Variants in ZFYVE21 observed in about 807,000 individuals in gnomAD.
ZFYVE21 encodes zinc finger FYVE-type containing 21, also known as zinc finger FYVE domain-containing protein 21.
Under a neutral mutation model 29.5 loss-of-function variants are expected in ZFYVE21, and 21 were observed. The observed-to-expected ratio is 0.71, with a 90% confidence interval of 0.50 to 1.02. The LOEUF is 1.02. Ranked by LOEUF, ZFYVE21 falls within the 50% of genes least tolerant of loss-of-function variation. ZFYVE21 has a pLI of 0.00. For missense variants in ZFYVE21, 326 were observed against 335.4 expected (o/e 0.97, Z 0.22); for synonymous variants, 151 against 133.8 (o/e 1.13, Z -0.89).
intron 5 of ZFYVE21, 150 bp from the exon 6 acceptor site, chr14:103,732,470 C>T: frequency 2.2e-6 from 2 of 917,318 alleles, no homozygotes; most frequent in Non-Finnish European, 3.1e-6. Context: ...AGATGGTGTT[C>T]CCTGGGTGCT....
chr14:103,721,656 T>C (rs2083873728), intron 1 of ZFYVE21, among the ~76,000 whole-genome samples: 1 of 152,238 alleles, frequency 6.6e-6, no homozygotes, highest in Admixed American at 6.5e-5. Context: ...TGGGTGTTAT[T>C]AGGGGCACTG....
rs150670962 is a variant in ZFYVE21 at position 103,733,143 on chromosome 14, A to C, written c.*125A>C. 2.4e-6 allele frequency: 3 copies of C among 1,275,820 alleles called. No individual in the cohort carries two copies. Among genetic ancestry groups the C allele is most frequent in the Non-Finnish European group, 3.4e-6 (3 of 895,522 alleles). 79.0% of individuals were successfully genotyped at this position (1,275,820 alleles called of 1,614,324 possible). A position where few individuals can be genotyped will look rare whatever the true frequency, so the allele number is the denominator to read the frequency against. On this transcript the variant is annotated 3_prime_UTR_variant, in exon 7 of 7. Coordinates refer to ENST00000311141, the MANE Select transcript of ZFYVE21 (RefSeq NM_024071.4). The stretch of plus-strand genomic sequence containing the variant: ...TTGTGCTGGGAAATGCAACTCACTC[A>C]TGTATTTGGAGAAACAGGAGTGTTC...
chr14:103,729,642 ACTAAACT>A, intron 5 of ZFYVE21: 1 of 1,005,972 alleles, frequency 9.9e-7, no homozygotes, highest in South Asian at 1.6e-5. Context: ...GGGCCTCTCC[ACTAAACT>A]CTGCTGACGG....
chr14:103,721,524 C>T (rs780608325), intron 1 of ZFYVE21, among the ~76,000 whole-genome samples: 6 of 152,240 alleles, frequency 3.9e-5, no homozygotes, highest in Admixed American at 6.5e-5. Context: ...CTCTGTGACG[C>T]CACTGCACAG....
intron 1 of ZFYVE21, among the ~76,000 whole-genome samples, chr14:103,721,660 G>A (rs1262945748): frequency 6.6e-6 from 1 of 152,196 alleles, no homozygotes; most frequent in Non-Finnish European, 1.5e-5. Flanking sequence ...TGTTATTAGG[G>A]GCACTGCCCA....
chr14:103,732,505 G>A (rs1476415434), intron 5 of ZFYVE21, 115 bp from the exon 6 acceptor site: 1 of 1,312,668 alleles, frequency 7.6e-7, no homozygotes, highest in African/African-American at 1.5e-5. Context: ...CTCACTGCCA[G>A]GCTACTCTTG....
In ZFYVE21 at chr14:103,728,971, C is replaced by T; in HGVS notation, c.422C>T (p.Ser141Phe). 6.2e-7 allele frequency: 1 copy of T among 1,614,014 alleles called. No homozygotes were observed. The highest frequency in any genetic ancestry group is 8.5e-7 in the Non-Finnish European group (1 of 1,180,020). Residue 141 changes from serine to phenylalanine, a missense_variant, in exon 4 of 7, where the codon TCC (serine) becomes TTC (phenylalanine). Ser to Phe is a radical substitution (Grantham distance 155). Coordinates refer to ENST00000311141, the MANE Select transcript of ZFYVE21 (RefSeq NM_024071.4). Reference sequence around the variant, plus strand: ...CCTGAAACTATGACTTGTCGTCTTTCCAATAACCAGAGGTAAGAGCCGGAT... The same window carrying T: ...CCTGAAACTATGACTTGTCGTCTTTTCAATAACCAGAGGTAAGAGCCGGAT... ...EKPETMTCRL[S>F]NNQRYLFLDG... is the part of the protein sequence containing the mutation.
intron 2 of ZFYVE21, 101 bp from the exon 3 acceptor site, chr14:103,727,645 C>A (rs543471608): frequency 6.7e-7 from 1 of 1,493,588 alleles, no homozygotes; most frequent in Non-Finnish European, 9.1e-7. Context: ...AGGGGCCTCG[C>A]GTTTAGGCGT....
intron 5 of ZFYVE21, 53 bp from the exon 6 acceptor site, chr14:103,732,567 C>T: frequency 1.3e-6 from 2 of 1,510,408 alleles, no homozygotes; most frequent in South Asian, 2.7e-5. Flanking sequence ...CTGGTGGCCG[C>T]CTGGGCACTC....
chr14:103,720,627 C>G (rs575696847), intron 1 of ZFYVE21, among the ~76,000 whole-genome samples: 1 of 152,130 alleles, frequency 6.6e-6, no homozygotes, highest in East Asian at 1.9e-4. Context: ...TATATGGAGG[C>G]GCTTTTGGTT....
chr14:103,728,353 G>T (rs543517326), intron 3 of ZFYVE21, among the ~76,000 whole-genome samples: 26 of 152,300 alleles, frequency 1.7e-4, no homozygotes, highest in African/African-American at 6.0e-4. Context: ...CATAGGGTGT[G>T]CCTCCCTGGA....
chr14:103,719,931 G>A (rs11848956), intron 1 of ZFYVE21, among the ~76,000 whole-genome samples: 3 of 152,142 alleles, frequency 2.0e-5, no homozygotes, highest in Non-Finnish European at 2.9e-5. Context: ...ATTCCTGGGC[G>A]TCCTGTGGGA....
At position 103,716,584 on chromosome 14, in the gene ZFYVE21, C is replaced by T. The variant is rs1224971776; in HGVS notation, c.138+605C>T. On this transcript the variant is annotated intron_variant, in intron 1 of 6. Transcript: ENST00000311141. The surrounding 1 kb of genome is among the most constrained non-coding windows in gnomAD (Gnocchi z 4.8). ...GCCCCCCGTTTCCCTTCGTCTATAC[C>T]ACCCTCCACCTCGGAAGCGAGGTCG... Among the ~76,000 whole-genome samples, 2 of 152,238 alleles carry T rather than the reference C, an allele frequency of 1.3e-5. No homozygotes were observed. The highest frequency in any genetic ancestry group is 2.9e-5 in the Non-Finnish European group (2 of 68,028).
Position 103,727,755 on chromosome 14 carries a change from C to G in ZFYVE21, c.199C>G (p.Arg67Gly), listed in dbSNP as rs761630128. 1.2e-6 allele frequency: 2 copies of G among 1,607,814 alleles called. No individual in the cohort carries two copies. Among genetic ancestry groups the G allele is most frequent in the Non-Finnish European group, 1.7e-6 (2 of 1,179,608 alleles). The change falls in exon 3 of 7, where the codon CGC becomes GGC. Residue 67 changes from arginine to glycine, a missense_variant. Coordinates refer to ENST00000311141, the MANE Select transcript of ZFYVE21 (RefSeq NM_024071.4). ...TCCCGCATCTGCCCAGCACCACTGT[C>G]GCCGCTGCGGGAAGTGCTTCTGCGA... ...FDFLTRKHHC[R>G]RCGKCFCDRC...
At chr14:103,729,428 A>G in intron 5 of ZFYVE21, 1 of 575,790 alleles carries the variant, frequency 1.7e-6, no homozygotes, top group South Asian at 2.1e-5. Flanking sequence ...TGTCATAATG[A>G]TTTCCTCTGC....
At chr14:103,728,227 T>G in intron 3 of ZFYVE21, 3 of 305,072 alleles carry the variant, frequency 9.8e-6, no homozygotes, top group African/African-American at 2.2e-5. Flanking sequence ...GCTCGGGCGT[T>G]TGCAACCACT....
chr14:103,730,688 G>C (rs969145301), intron 5 of ZFYVE21: 2 of 152,694 alleles, frequency 1.3e-5, no homozygotes, highest in African/African-American at 4.8e-5. Context: ...GGGACAATAG[G>C]AACAGTCCCC....
chr14:103,731,305 A>G (rs2083971572), intron 5 of ZFYVE21: 1 of 148,900 alleles, frequency 6.7e-6, no homozygotes, highest in African/African-American at 2.5e-5. Context: ...GACTCAAAAA[A>G]TAATTAAAAT....
At position 103,715,994 on chromosome 14, in the gene ZFYVE21, C is replaced by T; in HGVS notation, c.138+15C>T. On this transcript the variant is annotated intron_variant, in intron 1 of 6. Transcript: ENST00000311141. The stretch of plus-strand genomic sequence containing the variant: ...CGGACAAGGAGGTGGGTGGCCGTCG[C>T]CCCGGCCAGCGCCTCCGACCCGCCC... 3 of 1,243,488 alleles carry T rather than the reference C, an allele frequency of 2.4e-6. No homozygotes were observed. The highest frequency in any genetic ancestry group is 3.0e-6 in the Non-Finnish European group (3 of 984,422). 77.0% of individuals were successfully genotyped at this position (1,243,488 alleles called of 1,614,324 possible).
Sources: gnomAD v4.1 joint callset for allele counts (sites outside exome capture counted in the v4.1 genomes callset) on GRCh38, gnomAD v4.1.1 for gene constraint, Gnocchi (gnomAD v3.1) non-coding constraint, MANE v1.5 for transcripts, NCBI Gene and HGNC (gene_info 2026-07-23, HGNC 2026-07-21) for gene names.